CPQ: variants seen among roughly 807,000 people sequenced by gnomAD.
CPQ encodes the protein carboxypeptidase Q, also known as Ser-Met dipeptidase.
In CPQ, 37 loss-of-function variants were observed where a neutral mutation model predicts 45.7. The observed-to-expected ratio is 0.81, with a 90% CI of 0.62 to 1.07. CPQ has a LOEUF of 1.07. Among genes scored for constraint, CPQ ranks in the 50% least tolerant of loss-of-function variants. The probability of loss-of-function intolerance (pLI) is 0.00; values close to 1 mark genes in which losing one functional copy is unlikely to be tolerated. For missense variants in CPQ, 537 were observed against 572.9 expected (o/e 0.94, Z 0.64); for synonymous variants, 186 against 205.8 (o/e 0.90, Z 0.82).
At chr8:97,050,852 C>G (rs1029539699) in intron 6 of CPQ, among the ~76,000 whole-genome samples, 1 of 152,144 alleles carries the variant, frequency 6.6e-6, no homozygotes, top group African/African-American at 2.4e-5. Context: ...AATGGTTACT[C>G]TACTTATTAG....
intron 7 of CPQ, among the ~76,000 whole-genome samples, chr8:97,099,885 A>T (rs1342407088): frequency 2.6e-5 from 4 of 152,210 alleles, no homozygotes; most frequent in African/African-American, 9.7e-5. Context: ...ATTTTTCTAG[A>T]GTTAGAAAAT....
intron 1 of CPQ, among the ~76,000 whole-genome samples, chr8:96,683,462 C>G (rs1031463868): frequency 2.0e-5 from 3 of 151,942 alleles, no homozygotes; most frequent in Non-Finnish European, 2.9e-5. Flanking sequence ...CTCTCTTTGT[C>G]TTTGGCTTTT....
At chr8:96,742,088 C>T (rs1164629042) in intron 1 of CPQ, among the ~76,000 whole-genome samples, 1 of 143,556 alleles carries the variant, frequency 7.0e-6, no homozygotes, top group Admixed American at 7.1e-5. Flanking sequence ...TAAAGTCTCC[C>T]ATTATTAATG....
At chr8:96,952,302 G>C (rs909442651) in intron 4 of CPQ, among the ~76,000 whole-genome samples, 1 of 152,024 alleles carries the variant, frequency 6.6e-6, no homozygotes, top group Non-Finnish European at 1.5e-5. Context: ...CTGCCACTTG[G>C]GCAAACATTC....
At chr8:97,058,604 C>T (rs1810493641) in intron 6 of CPQ, among the ~76,000 whole-genome samples, 1 of 152,134 alleles carries the variant, frequency 6.6e-6, no homozygotes, top group Admixed American at 6.6e-5. Context: ...GACAGATAAC[C>T]TGTTAGAAGA....
At chr8:97,000,941 T>C (rs1433700884) in intron 5 of CPQ, among the ~76,000 whole-genome samples, 2 of 152,064 alleles carry the variant, frequency 1.3e-5, no homozygotes, top group Non-Finnish European at 2.9e-5. Context: ...GTTCTCCTTG[T>C]AGAGATCTTT....
chr8:96,760,742 G>A (rs2319924), intron 1 of CPQ, among the ~76,000 whole-genome samples: 95,430 of 151,984 alleles, frequency 0.63, 30,494 homozygotes, highest in East Asian at 0.86. Context: ...ACTGCAATAC[G>A]TAGGAACTGG....
chr8:96,908,747 GCACACA>G (rs34425501), intron 4 of CPQ, among the ~76,000 whole-genome samples: 5 of 140,918 alleles, frequency 3.5e-5, no homozygotes, highest in Non-Finnish European at 6.3e-5. Context: ...ATACACATGC[GCACACA>G]CACACACACA....
chr8:96,981,601 C>A (rs1023809635), intron 5 of CPQ, among the ~76,000 whole-genome samples: 2 of 152,126 alleles, frequency 1.3e-5, no homozygotes, highest in Non-Finnish European at 2.9e-5. Flanking sequence ...CATTTTTGGT[C>A]ATAAATGAAG....
intron 2 of CPQ, among the ~76,000 whole-genome samples, chr8:96,811,114 C>G (rs1306997279): frequency 6.6e-6 from 1 of 152,140 alleles, no homozygotes; most frequent in East Asian, 1.9e-4. Flanking sequence ...CTTTGGAAAT[C>G]TACTAATGTC....
intron 1 of CPQ, among the ~76,000 whole-genome samples, chr8:96,738,452 AT>A (rs985661566): frequency 2.0e-5 from 3 of 148,382 alleles, no homozygotes; most frequent in Admixed American, 1.3e-4. Flanking sequence ...TTATTTTTTT[AT>A]TTTTTATTTA....
chr8:97,136,625 G>A (rs1367492894), intron 7 of CPQ, among the ~76,000 whole-genome samples: 1 of 152,220 alleles, frequency 6.6e-6, no homozygotes, highest in East Asian at 1.9e-4. Context: ...CTCCCTCCTA[G>A]GTGCAATGGC....
At chr8:96,886,421 C>A (rs1812308057) in intron 4 of CPQ, among the ~76,000 whole-genome samples, 1 of 152,134 alleles carries the variant, frequency 6.6e-6, no homozygotes, top group African/African-American at 2.4e-5. Context: ...TTATTTCTAC[C>A]CCCACTTATC....
At chr8:96,922,114 C>T (rs546891782) in intron 4 of CPQ, among the ~76,000 whole-genome samples, 3 of 151,956 alleles carry the variant, frequency 2.0e-5, no homozygotes, top group Admixed American at 6.6e-5. Flanking sequence ...TACTTAATTC[C>T]AGAGACCTGT....
At chr8:96,770,863 C>T (rs1586393789) in intron 1 of CPQ, among the ~76,000 whole-genome samples, 1 of 148,910 alleles carries the variant, frequency 6.7e-6, no homozygotes, top group East Asian at 1.9e-4. Context: ...CTAGCACAGC[C>T]ACCAGGCATA....
intron 5 of CPQ, among the ~76,000 whole-genome samples, chr8:96,980,331 C>T (rs974952558): frequency 1.3e-5 from 2 of 152,140 alleles, no homozygotes; most frequent in Admixed American, 1.3e-4. Flanking sequence ...CGGGGTTTCA[C>T]CCTGTTGGCC....
chr8:96,936,489 C>G (rs1023932641), intron 4 of CPQ, among the ~76,000 whole-genome samples: 11 of 152,140 alleles, frequency 7.2e-5, no homozygotes, highest in Admixed American at 7.2e-4. Flanking sequence ...CAACATTAAA[C>G]ATTAATTTTT....
At chr8:96,899,885 T>C (rs1812493221) in intron 4 of CPQ, among the ~76,000 whole-genome samples, 2 of 147,128 alleles carry the variant, frequency 1.4e-5, no homozygotes, top group South Asian at 4.2e-4. Flanking sequence ...AGAAAGTCGA[T>C]ATGAAGGGCA....
intron 5 of CPQ, among the ~76,000 whole-genome samples, chr8:96,976,263 A>C (rs1015710080): frequency 2.7e-5 from 4 of 150,870 alleles, no homozygotes; most frequent in South Asian, 2.1e-4. Context: ...AAAAAAAAAA[A>C]AAAAAAAAAC....
Sources: gnomAD v4.1 joint callset for allele counts (sites outside exome capture counted in the v4.1 genomes callset) on GRCh38, gnomAD v4.1.1 for gene constraint, MANE v1.5 for transcripts, NCBI Gene and HGNC (gene_info 2026-07-23, HGNC 2026-07-21) for gene names.